The following PPP1R13L variants were observed in gnomAD, a reference collection of about 807,000 sequenced individuals.
PPP1R13L encodes relA-associated inhibitor.
A neutral mutation model predicts 80.9 loss-of-function variants in PPP1R13L; 50 were observed. The observed-to-expected ratio is 0.62, with a 90% CI of 0.49 to 0.78. The LOEUF is 0.78. Ranked by LOEUF, PPP1R13L falls within the 30% of genes least tolerant of loss-of-function variation. The probability of loss-of-function intolerance (pLI) is 0.00; values close to 1 mark genes in which losing one functional copy is unlikely to be tolerated. For synonymous variants in PPP1R13L, 602 were observed against 534.3 expected, an observed-to-expected ratio of 1.13 and a Z score of -1.75; for missense variants, 1,200 against 1,205.9, an observed-to-expected ratio of 1.00 and a Z score of 0.07.
chr19:45,400,934 G>A (rs560674507), intron 1 of PPP1R13L, among the ~76,000 whole-genome samples: 2 of 76,464 alleles, frequency 2.6e-5, no homozygotes, highest in Non-Finnish European at 4.2e-5. Context: ...CCGCCACTAC[G>A]CCCGGCTAAT....
intron 7 of PPP1R13L, 61 bp downstream of exon 7, chr19:45,395,374 TG>T: frequency 1.3e-6 from 2 of 1,560,092 alleles, no homozygotes; most frequent in Admixed American, 1.8e-5. Context: ...AGGGCTGGTC[TG>T]GTCCCCCTGC....
rs570662370 is a variant in PPP1R13L at position 45,385,841 on chromosome 19, G to T, written c.2064C>A (p.Ser688=). ...GGGCTCACCAGCCGTGGCTGTCGGG[G>T]GAGTTGACATTGGCACCCGCGGTGA... ...FLITAGANVN[S]PDSHGWTPLH... Residue 688 remains serine (S), a synonymous_variant, in exon 10 of 13, where the codon TCC becomes TCA. Coordinates refer to ENST00000360957, the MANE Select transcript of PPP1R13L (RefSeq NM_006663.4). 2 of 1,611,386 alleles carry T rather than the reference G, an allele frequency of 1.2e-6. No individual in the cohort carries two copies. The highest frequency in any genetic ancestry group is 1.3e-5 in the African/African-American group (1 of 75,028).
Position 45,396,798 on chromosome 19 carries a change from G to T in PPP1R13L, c.459C>A (p.Leu153=). Residue 153 remains leucine (L), a synonymous_variant, in exon 4 of 13, where the codon CTC becomes CTA. Transcript: ENST00000360957. This position sits in a 1 kb window ranked among gnomAD's most constrained non-coding sequence, Gnocchi z 5.3. ...PRAFDGAGSS[L]GRAPSPRPGP... is the part of the protein sequence containing the mutation. ...CGGGCCGCGGGGAGGGCGCACGGCCGAGGGAGCTGCCTGCGCCATCGAAGG... is the reference window on the plus strand; with the variant it reads ...CGGGCCGCGGGGAGGGCGCACGGCCTAGGGAGCTGCCTGCGCCATCGAAGG... 7.1e-7 allele frequency: 1 copy of T among 1,405,640 alleles called. No individual in the cohort carries two copies. The highest frequency in any genetic ancestry group is 9.2e-7 in the Non-Finnish European group (1 of 1,088,982). 87.1% of individuals were successfully genotyped at this position (1,405,640 alleles called of 1,614,324 possible). A position where few individuals can be genotyped will look rare whatever the true frequency, so the allele number is the denominator to read the frequency against.
intron 7 of PPP1R13L, 42 bp from the exon 8 acceptor site, chr19:45,392,382 G>A (rs1218999090): frequency 6.3e-7 from 1 of 1,581,516 alleles, no homozygotes; most frequent in African/African-American, 1.3e-5. Flanking sequence ...GTCCCCAGGA[G>A]ACACCCAACA....
Position 45,405,048 on chromosome 19 carries a change from G to T in PPP1R13L, c.-71C>A. Reference sequence around the variant, plus strand: ...GGGGGCTTCCTCCAGCTCGGGCTCCGGCTTGGGGAGCGGAGAACGGGGCGG... The same window carrying T: ...GGGGGCTTCCTCCAGCTCGGGCTCCTGCTTGGGGAGCGGAGAACGGGGCGG... On this transcript the variant is annotated 5_prime_UTR_variant, in exon 1 of 13. Transcript: ENST00000360957. 2 of 986,006 alleles carry T rather than the reference G, an allele frequency of 2.0e-6. No homozygotes were observed. Among genetic ancestry groups the T allele is most frequent in the African/African-American group, 1.7e-5 (1 of 57,360 alleles). 61.1% of individuals were successfully genotyped at this position (986,006 alleles called of 1,614,324 possible).
At chr19:45,391,535 G>A (rs1568557182) in intron 8 of PPP1R13L, among the ~76,000 whole-genome samples, 1 of 152,194 alleles carries the variant, frequency 6.6e-6, no homozygotes, top group Non-Finnish European at 1.5e-5. Flanking sequence ...TGGCCAGTGG[G>A]AGCAGGCAGA....
intron 8 of PPP1R13L, among the ~76,000 whole-genome samples, chr19:45,390,075 A>G (rs35773406): frequency 0.087 from 12,874 of 148,746 alleles, 794 homozygotes; most frequent in East Asian, 0.34. Flanking sequence ...ACAGGCATGA[A>G]CCACCACGCC....
intron 3 of PPP1R13L, among the ~76,000 whole-genome samples, chr19:45,397,767 C>G (rs1973142097): frequency 6.6e-6 from 1 of 151,934 alleles, no homozygotes; most frequent in South Asian, 2.1e-4. Flanking sequence ...TTTAAAAAAT[C>G]ATTTGTAGAG....
At position 45,395,507 on chromosome 19, in the gene PPP1R13L, G is replaced by A; in HGVS notation, c.1283C>T (p.Pro428Leu). ...SQPQPQLPPQ[P>L]QTQPQTPTPA... Reference sequence around the variant, plus strand: ...GGTAGGGGTTTGGGGTTGGGTCTGGGGCTGTGGGGGCAGCTGGGGCTGTGG... The same window carrying A: ...GGTAGGGGTTTGGGGTTGGGTCTGGAGCTGTGGGGGCAGCTGGGGCTGTGG... Residue 428 changes from proline (P) to leucine (L), a missense_variant, in exon 7 of 13, where the codon CCC (proline) becomes CTC (leucine). By Grantham distance (98) the Pro-to-Leu change is moderately conservative (BLOSUM62 -3). Around this residue, in one of 5 missense-constraint regions of PPP1R13L, gnomAD observed 764 missense variants for 714.5 expected, o/e 1.07. Coordinates refer to ENST00000360957, the MANE Select transcript of PPP1R13L (RefSeq NM_006663.4). The A allele has an allele frequency of 6.7e-7, 1 of 1,493,504 alleles. No individual in the cohort carries two copies. The highest frequency in any genetic ancestry group is 2.2e-4 in the Middle Eastern group (1 of 4,458). The allele number at this position is 1,493,504 out of a possible 1,614,324, so 92.5% of individuals were successfully genotyped here.
At chr19:45,401,848 CTTGCACTTTGGG>C (rs1237032967) in intron 1 of PPP1R13L, among the ~76,000 whole-genome samples, 1 of 151,960 alleles carries the variant, frequency 6.6e-6, no homozygotes, top group African/African-American at 2.4e-5. Flanking sequence ...GCCTGTAATC[CTTGCACTTTGGG>C]AGGCCGAGGG....
chr19:45,406,004 C>T (rs34113023), upstream of PPP1R13L, among the ~76,000 whole-genome samples: 2,474 of 152,316 alleles, frequency 0.016, 64 homozygotes, highest in African/African-American at 0.056. This position sits in a 1 kb window ranked among gnomAD's most constrained non-coding sequence, Gnocchi z 4.2. Context: ...CTACAAGTCC[C>T]ATTTGATCCA....
At position 45,392,312 on chromosome 19, in the gene PPP1R13L, C is replaced by A. The variant is rs1332218468; in HGVS notation, c.1383G>T (p.Glu461Asp). The change falls in exon 8 of 13, where the codon GAG becomes GAT. Residue 461 changes from glutamate to aspartate, a missense_variant. This residue lies in a region of PPP1R13L where 764 missense variants were observed against 714.5 expected (regional missense o/e 1.07). Coordinates refer to ENST00000360957, the MANE Select transcript of PPP1R13L (RefSeq NM_006663.4). ...EGPPKPPTELEPEPEIEGLLT... is the reference protein window; with the variant it reads ...EGPPKPPTELDPEPEIEGLLT... ...GCAGCCCCTCTATCTCCGGCTCAGGCTCCAGCTCGGTGGGGGGTTTGGGGG... is the reference window on the plus strand; with the variant it reads ...GCAGCCCCTCTATCTCCGGCTCAGGATCCAGCTCGGTGGGGGGTTTGGGGG... The A allele has an allele frequency of 1.9e-6, 3 of 1,613,470 alleles. No individual in the cohort carries two copies. In the Admixed American group the frequency reaches 5.0e-5, roughly 27 times the overall value.
At chr19:45,386,530 T>C (rs1972873587) in intron 8 of PPP1R13L, among the ~76,000 whole-genome samples, 2 of 152,162 alleles carry the variant, frequency 1.3e-5, no homozygotes, top group African/African-American at 4.8e-5. Context: ...TAATAATGAA[T>C]GCAATGAGAC....
At chr19:45,403,635 T>A (rs1158647764) in intron 1 of PPP1R13L, among the ~76,000 whole-genome samples, 1 of 152,162 alleles carries the variant, frequency 6.6e-6, no homozygotes. Context: ...CCAAGATTCC[T>A]CTAGACAATG....
chr19:45,390,250 C>T (rs1327239061), intron 8 of PPP1R13L, among the ~76,000 whole-genome samples: 2 of 152,148 alleles, frequency 1.3e-5, no homozygotes, highest in African/African-American at 2.4e-5. Context: ...CACCACTTCT[C>T]CTGTTGTCCT....
intron 7 of PPP1R13L, chr19:45,392,848 AC>A (rs1568558091): frequency 4.9e-6 from 1 of 206,040 alleles, no homozygotes; most frequent in Non-Finnish European, 9.9e-6. Context: ...ACTCATTCTG[AC>A]AGTAAAGCAG....
intron 11 of PPP1R13L, among the ~76,000 whole-genome samples, chr19:45,382,996 CTTTTTT>C (rs60366714): frequency 4.0e-5 from 5 of 126,276 alleles, no homozygotes; most frequent in African/African-American, 1.6e-4. Context: ...TCTTTTCTTT[CTTTTTT>C]TTTTTTTTTT....
chr19:45,384,366 C>G (rs367683031), intron 11 of PPP1R13L, among the ~76,000 whole-genome samples: 1 of 91,312 alleles, frequency 1.1e-5, no homozygotes, highest in Admixed American at 1.3e-4. Flanking sequence ...ACTAAAAATA[C>G]AAAAAAAAAA....
In PPP1R13L at chr19:45,396,044, G is replaced by C; in HGVS notation, c.903+124C>G. ...GCAGAAACCCAGCACAGTGAAGGGA[G>C]AGCGTGGGAACGGGCGCCGAGACCC... On this transcript the variant is annotated intron_variant, in intron 6 of 12. Transcript: ENST00000360957. The surrounding 1 kb of genome is among the most constrained non-coding windows in gnomAD (Gnocchi z 5.3). 1 of 1,302,826 alleles carries C rather than the reference G, an allele frequency of 7.7e-7. No individual in the cohort carries two copies. Among genetic ancestry groups the C allele is most frequent in the Non-Finnish European group, 1.1e-6 (1 of 950,684 alleles). The allele number at this position is 1,302,826 out of a possible 1,614,324, so 80.7% of individuals were successfully genotyped here.
Sources: gnomAD v4.1 joint callset for allele counts (sites outside exome capture counted in the v4.1 genomes callset) on GRCh38, gnomAD v4.1.1 for gene constraint, gnomAD v4.1.1 regional missense constraint, Gnocchi (gnomAD v3.1) non-coding constraint, MANE v1.5 for transcripts, NCBI Gene and HGNC (gene_info 2026-07-23, HGNC 2026-07-21) for gene names.